The following TOGARAM2 variants were observed in gnomAD, a reference collection of about 807,000 sequenced individuals.
TOGARAM2 encodes TOG array regulator of axonemal microtubules protein 2.
Under a neutral mutation model 93.3 loss-of-function variants are expected in TOGARAM2, and 85 were observed. The ratio of observed to expected loss-of-function variants is 0.91; its 90% CI spans 0.76 to 1.09. The LOEUF (loss-of-function observed/expected upper bound fraction) is 1.09. TOGARAM2 is among the 50% of genes least tolerant of loss of function. TOGARAM2 has a pLI of 0.00. For missense variants in TOGARAM2, 1,277 were observed against 1,334.5 expected (o/e 0.96, Z 0.67); for synonymous variants, 593 against 552.8 (o/e 1.07, Z -1.02).
At chr2:29,044,612 C>T (rs1666629246) in intron 18 of TOGARAM2, among the ~76,000 whole-genome samples, 1 of 152,038 alleles carries the variant, frequency 6.6e-6, no homozygotes, top group Non-Finnish European at 1.5e-5. Flanking sequence ...GTGCTTCTCA[C>T]CTGGTGTCAG....
rs542740425 is a variant in TOGARAM2, at chr2:29,022,045, G to A, written c.1361-113G>A. The A allele has an allele frequency of 2.5e-5, 34 of 1,386,148 alleles. No homozygotes were observed. In the East Asian group the frequency reaches 6.0e-4, roughly 24 times the overall value. The allele number at this position is 1,386,148 out of a possible 1,614,324, so 85.9% of individuals were successfully genotyped here. Reference sequence around the variant, plus strand: ...TCCACTTGTACACCCTCCCTGTTAGGTGGGCTCAGGGTGGTGGCACGGCCT... The same window carrying A: ...TCCACTTGTACACCCTCCCTGTTAGATGGGCTCAGGGTGGTGGCACGGCCT... On this transcript the variant is annotated intron_variant, in intron 10 of 19. Coordinates refer to ENST00000379558, the MANE Select transcript of TOGARAM2 (RefSeq NM_199280.4).
rs766623091 is a variant in TOGARAM2, at chr2:29,036,614, C to G, written c.2492C>G (p.Ala831Gly). Residue 831 changes from alanine to glycine, a missense_variant, in exon 18 of 20, where the codon GCC becomes GGC. Coordinates refer to ENST00000379558, the MANE Select transcript of TOGARAM2 (RefSeq NM_199280.4). ...KVNQWALESF[A>G]KMIPLLRESL... Reference sequence around the variant, plus strand: ...AACCAGTGGGCGCTGGAGTCCTTCGCCAAGATGATCCCCCTCCTCAGAGAG... The same window carrying G: ...AACCAGTGGGCGCTGGAGTCCTTCGGCAAGATGATCCCCCTCCTCAGAGAG... The G allele has an allele frequency of 4.3e-6, 7 of 1,613,948 alleles. No individual in the cohort carries two copies. The highest frequency in any genetic ancestry group is 5.9e-6 in the Non-Finnish European group (7 of 1,179,876).
chr2:28,973,449 T>TCCCTTCCCCTTCCTTCCTG lies in TOGARAM2; in HGVS notation c.-147+16754_-147+16755insCTTCCCCTTCCTTCCTGCC, dbSNP rs779589371. Among the ~76,000 whole-genome samples the TCCCTTCCCCTTCCTTCCTG allele has an allele frequency of 4.8e-4, 58 of 120,572 alleles. 1 individual carries two copies. Among genetic ancestry groups the TCCCTTCCCCTTCCTTCCTG allele is most frequent in the East Asian group, 3.0e-3 (7 of 2,338 alleles). The allele number at this position is 120,572 out of a possible 152,430, so 79.1% of individuals were successfully genotyped here. A position where few individuals can be genotyped will look rare whatever the true frequency, so the allele number is the denominator to read the frequency against. On this transcript the variant is annotated intron_variant, in intron 1 of 6. Transcript: ENST00000401723. Reference sequence around the variant, plus strand: ...CTCCCTTCCTTCCCTTCCCCTTCCTTCCTTCCTTCCTTCCTTCCTCCCTCC... The same window carrying TCCCTTCCCCTTCCTTCCTG: ...CTCCCTTCCTTCCCTTCCCCTTCCTTCCCTTCCCCTTCCTTCCTGCCTTCCTTCCTTCCTTCCTCCCTCC...
At chr2:29,001,099 T>C (rs948733433) in intron 4 of TOGARAM2, among the ~76,000 whole-genome samples, 2 of 152,164 alleles carry the variant, frequency 1.3e-5, no homozygotes, top group Non-Finnish European at 2.9e-5. Context: ...CTGGGGCTGC[T>C]CTGGCCCCTG....
intron 1 of TOGARAM2, among the ~76,000 whole-genome samples, chr2:28,966,064 C>T (rs576373403): frequency 6.6e-6 from 1 of 152,148 alleles, no homozygotes; most frequent in African/African-American, 2.4e-5. Flanking sequence ...CTCTGCCTCC[C>T]AGGCTGGAGT....
Position 29,014,517 on chromosome 2 carries a change from T to C in TOGARAM2, c.1000T>C (p.Cys334Arg), listed in dbSNP as rs116725693. 531 of 1,574,594 alleles carry C rather than the reference T, an allele frequency of 3.4e-4. 1 individual carries two copies. In the African/African-American group the frequency reaches 5.4e-3, roughly 16 times the overall value. ...AFSFDCAREA[C>R]PPLKEEDQKE... The stretch of plus-strand genomic sequence containing the variant: ...CTCCTTTGACTGTGCCAGAGAAGCC[T>C]GCCCTCCGCTGAAAGAAGAGGACCA... The change falls in exon 8 of 20, where the codon TGC becomes CGC. Residue 334 changes from cysteine to arginine, a missense_variant. Physicochemically the swap from Cys to Arg is radical, Grantham distance 180 (BLOSUM62 -3). Coordinates refer to ENST00000379558, the MANE Select transcript of TOGARAM2 (RefSeq NM_199280.4).
chr2:28,978,824 G>A (rs909854042), upstream of TOGARAM2, among the ~76,000 whole-genome samples: 6 of 152,190 alleles, frequency 3.9e-5, no homozygotes, highest in East Asian at 7.7e-4. Context: ...GGGAACACTG[G>A]GCACTGGAGG....
chr2:29,014,324 C>T, intron 7 of TOGARAM2, 71 bp from the exon 8 acceptor site: 7 of 1,531,406 alleles, frequency 4.6e-6, no homozygotes, highest in Non-Finnish European at 5.3e-6. Context: ...AGAATTGAGC[C>T]AGCCACAGGG....
intron 1 of TOGARAM2, among the ~76,000 whole-genome samples, chr2:28,991,601 AGCGGCAGCCCCAGGG>A (rs1231570671): frequency 6.6e-6 from 1 of 152,124 alleles, no homozygotes; most frequent in African/African-American, 2.4e-5. Flanking sequence ...AAGCTGTGGG[AGCGGCAGCCCCAGGG>A]CTGTGGTGGG....
At chr2:29,027,574 C>T (rs1665484026) in intron 14 of TOGARAM2, among the ~76,000 whole-genome samples, 1 of 148,640 alleles carries the variant, frequency 6.7e-6, no homozygotes, top group Admixed American at 6.7e-5. Context: ...GACTGGGCAA[C>T]ATAGTAAGAT....
chr2:29,007,227 T>G (rs982295902), intron 6 of TOGARAM2, among the ~76,000 whole-genome samples: 1 of 152,124 alleles, frequency 6.6e-6, no homozygotes, highest in Non-Finnish European at 1.5e-5. Context: ...TTTCCATCTT[T>G]CTGTTGGGCA....
intron 1 of TOGARAM2, among the ~76,000 whole-genome samples, chr2:28,959,969 G>A (rs1671779517): frequency 6.6e-6 from 1 of 152,168 alleles, no homozygotes; most frequent in South Asian, 2.1e-4. Flanking sequence ...TTGTTTCTAG[G>A]CTACAAACCT....
At chr2:29,050,091 C>T (rs1666979204) in intron 19 of TOGARAM2, 1 of 152,208 alleles carries the variant, frequency 6.6e-6, no homozygotes, top group African/African-American at 2.4e-5. Context: ...AGGTGGCTCA[C>T]CTATGATCCC....
Position 29,017,323 on chromosome 2 carries a change from G to T in TOGARAM2, c.1195+19G>T. ...AAGGAAGGTACTGGGTGCCTGGTGT[G>T]GGATTTGCTCAGGCCTGGGGAGCTG... On this transcript the variant is annotated intron_variant, in intron 9 of 19. Transcript: ENST00000379558. 1 of 1,577,358 alleles carries T rather than the reference G, an allele frequency of 6.3e-7. No individual in the cohort carries two copies.
At chr2:29,011,424 A>G in intron 6 of TOGARAM2, 31 bp from the exon 7 acceptor site, 1 of 1,608,876 alleles carries the variant, frequency 6.2e-7, no homozygotes, top group Middle Eastern at 1.7e-4. Context: ...GCCATCCCTC[A>G]TGATGCTTTT....
At chr2:28,960,606 A>G (rs1671789774) in intron 1 of TOGARAM2, among the ~76,000 whole-genome samples, 1 of 152,208 alleles carries the variant, frequency 6.6e-6, no homozygotes, top group Admixed American at 6.5e-5. Context: ...AGACCAGGCC[A>G]GTTGTCTTGC....
chr2:28,996,684 A>G (rs892826072), intron 2 of TOGARAM2, among the ~76,000 whole-genome samples: 1 of 149,998 alleles, frequency 6.7e-6, no homozygotes, highest in Admixed American at 6.7e-5. Context: ...TTAGCTGGGC[A>G]TGGTGGCAGG....
At chr2:28,995,917 G>A (rs182855887) in intron 2 of TOGARAM2, among the ~76,000 whole-genome samples, 84 of 152,350 alleles carry the variant, frequency 5.5e-4, no homozygotes, top group Admixed American at 5.4e-3. Context: ...GCTGAGCCAG[G>A]AGGGTGTGGG....
intron 6 of TOGARAM2, among the ~76,000 whole-genome samples, chr2:29,004,238 C>A (rs1673488078): frequency 6.6e-6 from 1 of 152,184 alleles, no homozygotes; most frequent in Non-Finnish European, 1.5e-5. Flanking sequence ...CCTCCTTGGC[C>A]TCCCAAAGTG....
Sources: allele counts gnomAD v4.1 joint callset (sites outside exome capture counted in the v4.1 genomes callset), GRCh38; gene constraint gnomAD v4.1.1; transcripts MANE v1.5; gene names NCBI Gene and HGNC (gene_info 2026-07-23, HGNC 2026-07-21).